DIDO1: variants seen among roughly 807,000 people sequenced by gnomAD.
DIDO1 encodes death-inducer obliterator 1.
In DIDO1, 16 loss-of-function variants were observed where a neutral mutation model predicts 99.4. That is an observed-to-expected ratio of 0.16 (90% confidence interval 0.11 to 0.24). DIDO1 has a LOEUF of 0.24. Ranked by LOEUF, DIDO1 falls within the 10% of genes least tolerant of loss-of-function variation. The probability of loss-of-function intolerance (pLI) is 1.00; values close to 1 mark genes in which losing one functional copy is unlikely to be tolerated. For missense variants in DIDO1, 2,996 were observed against 3,014.0 expected, an observed-to-expected ratio of 0.99 and a Z score of 0.14; for synonymous variants, 1,366 against 1,239.1, an observed-to-expected ratio of 1.10 and a Z score of -2.15.
intron 6 of DIDO1, among the ~76,000 whole-genome samples, chr20:62,904,802 A>AAAAAAAAAAAAAAC (rs2064763562): frequency 7.3e-6 from 1 of 136,090 alleles, no homozygotes; most frequent in Non-Finnish European, 1.6e-5. Context: ...AAAAAAAAAA[A>AAAAAAAAAAAAAAC]AAAAAGTGTC....
Position 62,905,998 on chromosome 20 carries a change from C to G in DIDO1, c.1477G>C (p.Gly493Arg). 6.2e-7 allele frequency: 1 copy of G among 1,614,040 alleles called. No individual in the cohort carries two copies. The highest frequency in any genetic ancestry group is 1.1e-5 in the South Asian group (1 of 91,084). ...VVVPARSEAL[G>R]KEAACESSTP... ...CTGCTCTCACAAGCTGCTTCCTTCC[C>G]GAGTGCTTCACTCCGCGCAGGGACC... The change falls in exon 6 of 16, where the codon GGG (glycine) becomes CGG (arginine). Residue 493 changes from glycine to arginine, a missense_variant. Transcript: ENST00000395343.
chr20:62,880,246 G>A lies in DIDO1; in HGVS notation c.5710C>T (p.Arg1904Ter), dbSNP rs1405959875. The change falls in exon 16 of 16, where the codon CGA (arginine) becomes TGA (stop). Residue 1904 changes from arginine (R) to a stop codon, truncating the protein, a stop_gained. Coordinates refer to ENST00000395343, the MANE Select transcript of DIDO1 (RefSeq NM_001193369.2). LOFTEE classifies it low-confidence loss of function (END_TRUNC). ...RPLLSQLKGP[R>*]GGPPPSQFGG... ...AACTGAGAGGGAGGGGGGCCGCCTCGGGGGCCTTTCAGCTGAGACAGCAGT... is the reference window on the plus strand; with the variant it reads ...AACTGAGAGGGAGGGGGGCCGCCTCAGGGGCCTTTCAGCTGAGACAGCAGT... The A allele has an allele frequency of 6.2e-7, 1 of 1,612,450 alleles. No homozygotes were observed. Among genetic ancestry groups the A allele is most frequent in the Non-Finnish European group, 8.5e-7 (1 of 1,179,880 alleles).
chr20:62,915,469 AC>A (rs2065021388), intron 1 of DIDO1, among the ~76,000 whole-genome samples: 1 of 152,222 alleles, frequency 6.6e-6, no homozygotes, highest in Admixed American at 6.5e-5. Context: ...ATATTTTGCA[AC>A]ACTGAGCATT....
At position 62,878,855 on chromosome 20, in the gene DIDO1, C is replaced by T. The variant is rs1395927696; in HGVS notation, c.*378G>A. On this transcript the variant is annotated 3_prime_UTR_variant, in exon 16 of 16. Coordinates refer to ENST00000395343, the MANE Select transcript of DIDO1 (RefSeq NM_001193369.2). ...CCGGCCTCCGGGGCGGCGGCTAAGA[C>T]CTGTAAAAGCAGCTTTTGGAAACAC... 1.8e-5 allele frequency: 3 copies of T among 169,234 alleles called. No individual in the cohort carries two copies. Among genetic ancestry groups the T allele is most frequent in the Admixed American group, 6.4e-5 (1 of 15,676 alleles). The allele number at this position is 169,234 out of a possible 1,614,324, so 10.5% of individuals were successfully genotyped here. A position where few individuals can be genotyped will look rare whatever the true frequency, so the allele number is the denominator to read the frequency against.
intron 1 of DIDO1, among the ~76,000 whole-genome samples, chr20:62,934,261 A>T (rs1296421985): frequency 6.6e-6 from 1 of 151,766 alleles, no homozygotes; most frequent in Non-Finnish European, 1.5e-5. Context: ...CCCTCCACCC[A>T]TCCCTTCTCC....
rs1437465197 is a variant in DIDO1 at position 62,910,080 on chromosome 20, CATTA to C, written c.840-64_840-61del. ...CGTGAGTGACAAGCACTTTTCAACA[CATTA>C]ATAAGACAATTGGTTTTAACTTCAT... On this transcript the variant is annotated intron_variant, in intron 3 of 15. Transcript: ENST00000395343. 6 of 1,519,816 alleles carry C rather than the reference CATTA, an allele frequency of 3.9e-6. No individual in the cohort carries two copies. In the African/African-American group the frequency reaches 4.1e-5, roughly 10 times the overall value. The allele number at this position is 1,519,816 out of a possible 1,614,324, so 94.1% of individuals were successfully genotyped here.
chr20:62,911,047 C>A lies in DIDO1; in HGVS notation c.566G>T (p.Arg189Leu). Residue 189 changes from arginine to leucine, a missense_variant, in exon 3 of 16, where the codon CGG becomes CTG. Transcript: ENST00000395343. The surrounding 1 kb of genome is among the most constrained non-coding windows in gnomAD (Gnocchi z 7.0). ...RPLKGIQSRL[R>L]KKRREEGPAE... ...GGGACCCTCCTCCCGGCGCTTCTTC[C>A]GCAGGCGACTCTGGATCCCTTTCAG... The A allele has an allele frequency of 1.9e-6, 3 of 1,613,756 alleles. No individual in the cohort carries two copies. The highest frequency in any genetic ancestry group is 2.5e-6 in the Non-Finnish European group (3 of 1,180,016).
rs762052155 is a variant in DIDO1 at position 62,880,523 on chromosome 20, G to T, written c.5433C>A (p.Phe1811Leu). The T allele has an allele frequency of 1.5e-5, 24 of 1,612,838 alleles. No individual in the cohort carries two copies. Among genetic ancestry groups the T allele is most frequent in the African/African-American group, 1.2e-4 (9 of 74,938 alleles). The change falls in exon 16 of 16, where the codon TTC (phenylalanine) becomes TTA (leucine). Residue 1811 changes from phenylalanine (F) to leucine (L), a missense_variant. By Grantham distance (22) the Phe-to-Leu change is conservative. This residue lies in a region of DIDO1 where 1,562 missense variants were observed against 1,412.6 expected (regional missense o/e 1.11). Transcript: ENST00000395343. ...GAQKGPIPSL[F>L]SGQHGPPPYG... ...AAGGAGGTGGCCCATGTTGCCCCGA[G>T]AATAAGGAAGGGATGGGCCCCTTCT...
In DIDO1 at chr20:62,909,686, G is replaced by T. The variant is rs2064885418; in HGVS notation, c.1161+13C>A. Reference sequence around the variant, plus strand: ...CGACTGCTGAATGCTCGTCTCAGCGGACAAACACTTACAGGCTGGAAGATC... The same window carrying T: ...CGACTGCTGAATGCTCGTCTCAGCGTACAAACACTTACAGGCTGGAAGATC... On this transcript the variant is annotated intron_variant, in intron 4 of 15. Coordinates refer to ENST00000395343, the MANE Select transcript of DIDO1 (RefSeq NM_001193369.2). 6.2e-7 allele frequency: 1 copy of T among 1,611,172 alleles called. No individual in the cohort carries two copies. Among genetic ancestry groups the T allele is most frequent in the Non-Finnish European group, 8.5e-7 (1 of 1,177,690 alleles).
chr20:62,923,217 C>T (rs1035619605), intron 1 of DIDO1, among the ~76,000 whole-genome samples: 2 of 151,994 alleles, frequency 1.3e-5, no homozygotes, highest in African/African-American at 4.8e-5. Flanking sequence ...TCACTGTCGC[C>T]CAGGCTGGAG....
At chr20:62,929,695 G>GTGTATATATATATATATA (rs1491466464), upstream of DIDO1, among the ~76,000 whole-genome samples, 1 of 97,972 alleles carries the variant, frequency 1.0e-5, no homozygotes, top group African/African-American at 4.6e-5. Flanking sequence ...AAGAAAAAGT[G>GTGTATATATATATATATA]TATATATATA....
intron 15 of DIDO1, among the ~76,000 whole-genome samples, chr20:62,886,953 C>T (rs1233094780): frequency 6.6e-6 from 1 of 152,234 alleles, no homozygotes; most frequent in Non-Finnish European, 1.5e-5. Context: ...CTGGGAATCT[C>T]TAAGACCTGC....
chr20:62,883,484 A>G lies in DIDO1; in HGVS notation c.3542-1070T>C, dbSNP rs143129927. On this transcript the variant is annotated intron_variant, in intron 15 of 15. Coordinates refer to ENST00000395343, the MANE Select transcript of DIDO1 (RefSeq NM_001193369.2). ...AAGGCGGGTGGATCACAAAGTCAAG[A>G]GTTTGAGACCAGTCTGGCCAACGTG... Among the ~76,000 whole-genome samples, 470 of 151,860 alleles carry G rather than the reference A, an allele frequency of 3.1e-3. 3 individuals carry two copies. In the Middle Eastern group the frequency reaches 0.037, roughly 12 times the overall value.
intron 1 of DIDO1, among the ~76,000 whole-genome samples, chr20:62,918,845 C>G (rs1243488658): frequency 6.6e-6 from 1 of 152,108 alleles, no homozygotes; most frequent in Non-Finnish European, 1.5e-5. Flanking sequence ...AGATGAGGAG[C>G]AACTGAGAAG....
chr20:62,900,462 G>A (rs2064643541), intron 6 of DIDO1, among the ~76,000 whole-genome samples: 2 of 152,210 alleles, frequency 1.3e-5, no homozygotes, highest in Admixed American at 6.5e-5. Flanking sequence ...AGACGGGGAG[G>A]AGAAAATCAG....
chr20:62,892,752 A>C, intron 13 of DIDO1, 57 bp downstream of exon 13: 1 of 1,555,686 alleles, frequency 6.4e-7, no homozygotes, highest in East Asian at 2.3e-5. Context: ...GTTTGACTCT[A>C]GTTTAGAAAC....
At chr20:62,926,161 G>C (rs112324444) in intron 1 of DIDO1, among the ~76,000 whole-genome samples, 2,673 of 152,108 alleles carry the variant, frequency 0.018, 87 homozygotes, top group African/African-American at 0.061. Flanking sequence ...CGACCACCGA[G>C]TGCTCGCCAG....
chr20:62,879,493 C>T lies in DIDO1; in HGVS notation c.6463G>A (p.Ala2155Thr). 6.3e-7 allele frequency: 1 copy of T among 1,592,772 alleles called. No individual in the cohort carries two copies. Among genetic ancestry groups the T allele is most frequent in the South Asian group, 1.1e-5 (1 of 90,338 alleles). The stretch of plus-strand genomic sequence containing the variant: ...GCCTCGCGCTCTCGGTCGCGGTTGG[C>T]GCTCCTCTCCCGGTTTCTGTCCCAG... ...RDWDRNRERS[A>T]NRDREREADR... is the part of the protein sequence containing the mutation. Residue 2155 changes from alanine to threonine, a missense_variant, in exon 16 of 16, where the codon GCC (alanine) becomes ACC (threonine). Transcript: ENST00000395343. This position sits in a 1 kb window ranked among gnomAD's most constrained non-coding sequence, Gnocchi z 6.3.
In DIDO1 at chr20:62,901,013, C is replaced by G. The variant is rs528149540; in HGVS notation, c.1589-4017G>C. 3.0e-4 allele frequency among the ~76,000 whole-genome samples: 45 copies of G among 152,350 alleles called. No homozygotes were observed. The South Asian group carries it at 8.9e-3, about 30-fold the overall frequency. On this transcript the variant is annotated intron_variant, in intron 6 of 15. Transcript: ENST00000395343. ...ACTCCAAGATTGCCCCTAGTGGGAA[C>G]AATCAAGGTGGCAGCGGCAAGAGAA...
Sources: allele counts gnomAD v4.1 joint callset (sites outside exome capture counted in the v4.1 genomes callset), GRCh38; gene constraint gnomAD v4.1.1; regional missense constraint gnomAD v4.1.1; non-coding constraint Gnocchi (gnomAD v3.1); transcripts MANE v1.5; gene names NCBI Gene and HGNC (gene_info 2026-07-23, HGNC 2026-07-21).